The following UTP14A variants were observed in gnomAD, a reference collection of about 807,000 sequenced individuals.
The protein encoded by UTP14A is U3 small nucleolar RNA-associated protein 14 homolog A.
A neutral mutation model predicts 57.2 loss-of-function variants in UTP14A; 5 were observed. The ratio of observed to expected loss-of-function variants is 0.09; its 90% CI spans 0.05 to 0.18. The LOEUF (loss-of-function observed/expected upper bound fraction) is 0.18. UTP14A is among the 10% of genes least tolerant of loss of function. UTP14A has a pLI of 1.00. For missense variants in UTP14A, 430 were observed against 562.1 expected (o/e 0.76, Z 2.38); for synonymous variants, 169 against 210.9 (o/e 0.80, Z 1.72).
In UTP14A at chrX:129,908,663, A is replaced by C; in HGVS notation, c.174-7A>C. ...CATTCCTATTATATCGTTTTGCCTA[A>C]TTTCAGGCGGAAATTGGCTGAGAGG... On this transcript the variant is annotated splice_region_variant and splice_polypyrimidine_tract_variant and intron_variant, in intron 3 of 14. Coordinates refer to ENST00000394422, the MANE Select transcript of UTP14A (RefSeq NM_006649.4). 2 of 1,210,375 alleles carry C rather than the reference A, an allele frequency of 1.7e-6. No homozygotes were observed. Among genetic ancestry groups the C allele is most frequent in the Non-Finnish European group, 2.2e-6 (2 of 894,357 alleles).
At position 129,919,397 on chromosome X, in the gene UTP14A, A is replaced by G. The variant is rs1268451776; in HGVS notation, c.660A>G (p.Ala220=). 2.5e-6 allele frequency: 3 copies of G among 1,211,870 alleles called. No individual in the cohort carries two copies. The highest frequency in any genetic ancestry group is 2.2e-5 in the Admixed American group (1 of 46,007). ...ASLRAMSLEE[A]KMRRAELQRA... is the part of the protein sequence containing the mutation. The stretch of plus-strand genomic sequence containing the variant: ...ACTGTAAGTCTCATTTGTTGTAGGC[A>G]AAGATGCGACGAGCAGAGCTTCAGA... Residue 220 remains alanine (A), a splice_region_variant and synonymous_variant, in exon 8 of 15, where the codon GCA becomes GCG. Transcript: ENST00000394422.
At chrX:129,917,465 CTT>C (rs2124204245) in intron 6 of UTP14A, among the ~76,000 whole-genome samples, 1 of 111,770 alleles carries the variant, frequency 8.9e-6, no homozygotes, top group East Asian at 2.8e-4. Context: ...CTAGGGCTGT[CTT>C]TGTGCCTTGC....
Position 129,906,186 on chromosome X carries a change from C to T in UTP14A, c.-25C>T, listed in dbSNP as rs1442768269. The T allele has an allele frequency of 2.5e-6, 3 of 1,208,580 alleles. No individual in the cohort carries two copies. Among genetic ancestry groups the T allele is most frequent in the Admixed American group, 4.4e-5 (2 of 45,702 alleles). The stretch of plus-strand genomic sequence containing the variant: ...TTTCCTTCGGCTTCCGTTCTTGGTC[C>T]ATGTGAGAGAAGCTGGCTGCTGAAA... On this transcript the variant is annotated 5_prime_UTR_variant, in exon 1 of 15. Coordinates refer to ENST00000394422, the MANE Select transcript of UTP14A (RefSeq NM_006649.4).
intron 6 of UTP14A, among the ~76,000 whole-genome samples, chrX:129,915,146 C>T (rs1398967507): frequency 9.0e-6 from 1 of 111,626 alleles, no homozygotes; most frequent in Admixed American, 9.5e-5. Context: ...ACCCAGGAGG[C>T]GGAGGTTGCA....
chrX:129,909,909 A>G (rs1929402240), intron 4 of UTP14A, among the ~76,000 whole-genome samples: 1 of 112,297 alleles, frequency 8.9e-6, no homozygotes, highest in Admixed American at 9.5e-5. Flanking sequence ...TTGTGTTTCT[A>G]CTAGGTAGCA....
At chrX:129,912,313 GTTTCACCA>G (rs1929509531) in intron 6 of UTP14A, among the ~76,000 whole-genome samples, 1 of 108,091 alleles carries the variant, frequency 9.3e-6, no homozygotes, top group Non-Finnish European at 1.9e-5. Flanking sequence ...TAGAGATGGG[GTTTCACCA>G]TGTTGGCCAG....
intron 6 of UTP14A, among the ~76,000 whole-genome samples, chrX:129,914,910 T>G (rs1477125583): frequency 8.9e-6 from 1 of 112,606 alleles, no homozygotes; most frequent in Non-Finnish European, 1.9e-5. Flanking sequence ...TTTAGCATTT[T>G]AAAGTCTATG....
chrX:129,915,384 G>A (rs1220144297), intron 6 of UTP14A, among the ~76,000 whole-genome samples: 1 of 109,241 alleles, frequency 9.2e-6, no homozygotes, highest in African/African-American at 3.4e-5. Flanking sequence ...AATTAGCTGG[G>A]CACGGTGGCG....
intron 4 of UTP14A, among the ~76,000 whole-genome samples, chrX:129,909,310 C>T (rs932957650): frequency 7.5e-5 from 8 of 107,137 alleles, no homozygotes; most frequent in African/African-American, 2.7e-4. Flanking sequence ...CCCAGGTTCA[C>T]GCCATTCTCC....
chrX:129,928,239 G>T (rs1392514603), intron 14 of UTP14A, among the ~76,000 whole-genome samples: 1 of 106,597 alleles, frequency 9.4e-6, no homozygotes, highest in Non-Finnish European at 1.9e-5. Context: ...AAAAAAATTA[G>T]CCAGGCATGG....
At chrX:129,918,396 CAA>C (rs766869516) in intron 6 of UTP14A, among the ~76,000 whole-genome samples, 13 of 49,488 alleles carry the variant, frequency 2.6e-4, no homozygotes, top group Non-Finnish European at 4.7e-4. Flanking sequence ...TCTCAGAAAA[CAA>C]AAAAAAAAAA....
chrX:129,921,453 C>T lies in UTP14A; in HGVS notation c.1214C>T (p.Ser405Phe). The change falls in exon 11 of 15, where the codon TCT becomes TTT. Residue 405 changes from serine to phenylalanine, a missense_variant. Around this residue, in one of 4 missense-constraint regions of UTP14A, gnomAD observed 83 missense variants for 140.4 expected, o/e 0.59. Coordinates refer to ENST00000394422, the MANE Select transcript of UTP14A (RefSeq NM_006649.4). ...CCAGAGCTTGAGGCCCATGGAGTTT[C>T]TGAAAGTGAGGGAGAAGAAAGACCA... is the stretch of plus-strand genomic sequence containing the variant. ...QLPELEAHGV[S>F]ESEGEERPVA... The T allele has an allele frequency of 5.0e-6, 6 of 1,211,648 alleles. No homozygotes were observed. Among genetic ancestry groups the T allele is most frequent in the Non-Finnish European group, 6.7e-6 (6 of 895,543 alleles).
At chrX:129,913,154 T>C (rs192842617) in intron 6 of UTP14A, among the ~76,000 whole-genome samples, 22 of 111,997 alleles carry the variant, frequency 2.0e-4, no homozygotes, top group Non-Finnish European at 3.2e-4. Flanking sequence ...AACCCAAGAA[T>C]GGTAGTTTCT....
At chrX:129,923,279 G>A (rs1473896664) in intron 11 of UTP14A, among the ~76,000 whole-genome samples, 1 of 112,117 alleles carries the variant, frequency 8.9e-6, no homozygotes, top group African/African-American at 3.2e-5. Flanking sequence ...TCACTGCCAG[G>A]TTTCCCTCCA....
chrX:129,917,683 CT>C (rs1424620801), intron 6 of UTP14A, among the ~76,000 whole-genome samples: 1 of 111,442 alleles, frequency 9.0e-6, no homozygotes, highest in East Asian at 2.8e-4. Context: ...ACATGAAGGT[CT>C]TTTTGTTTGT....
Position 129,925,819 on chromosome X carries a change from C to T in UTP14A, c.1750-100C>T, listed in dbSNP as rs187615881. 3.8e-3 allele frequency: 3,897 copies of T among 1,027,160 alleles called. 11 individuals carry two copies. Among genetic ancestry groups the T allele is most frequent in the Non-Finnish European group, 4.8e-3 (3,611 of 752,647 alleles). 84.6% of individuals were successfully genotyped at this position (1,027,160 alleles called of 1,213,427 possible). ...AAGACCATCATTGTTCAGCACTTCCCCCTAGGGGGCGCTAAAATGTCACGA... is the reference window on the plus strand; with the variant it reads ...AAGACCATCATTGTTCAGCACTTCCTCCTAGGGGGCGCTAAAATGTCACGA... On this transcript the variant is annotated intron_variant, in intron 12 of 14. Coordinates refer to ENST00000394422, the MANE Select transcript of UTP14A (RefSeq NM_006649.4).
chrX:129,911,712 G>A (rs1341093469), intron 5 of UTP14A, 54 bp from the exon 6 acceptor site: 2 of 1,185,329 alleles, frequency 1.7e-6, no homozygotes, highest in African/African-American at 1.8e-5. Flanking sequence ...AGTCCTTTGG[G>A]TTTGATGCTT....
At position 129,919,206 on chromosome X, in the gene UTP14A, A is replaced by C. The variant is rs377025264; in HGVS notation, c.569A>C (p.Asn190Thr). The stretch of plus-strand genomic sequence containing the variant: ...ACTCCCCTGGAGCAGGAAATTTTCA[A>C]CCTCCTCCATAAGAACAAGCAGCCA... ...ARTPLEQEIF[N>T]LLHKNKQPVT... Residue 190 changes from asparagine to threonine, a missense_variant, in exon 7 of 15, where the codon AAC (asparagine) becomes ACC (threonine). Transcript: ENST00000394422. 2 of 1,211,250 alleles carry C rather than the reference A, an allele frequency of 1.7e-6. No individual in the cohort carries two copies. The highest frequency in any genetic ancestry group is 1.8e-5 in the South Asian group (1 of 56,943).
At chrX:129,919,152 G>A (rs748930095) in intron 6 of UTP14A, 23 bp from the exon 7 acceptor site, 16 of 1,209,962 alleles carry the variant, frequency 1.3e-5, no homozygotes, top group South Asian at 1.1e-4. Context: ...TTAAGACTCA[G>A]AATGTTTTGT....
Sources: gnomAD v4.1 joint callset for allele counts (sites outside exome capture counted in the v4.1 genomes callset) on GRCh38, gnomAD v4.1.1 for gene constraint, gnomAD v4.1.1 regional missense constraint, MANE v1.5 for transcripts, NCBI Gene and HGNC (gene_info 2026-07-23, HGNC 2026-07-21) for gene names.